KCNRG: variants seen among roughly 807,000 people sequenced by gnomAD.
The protein encoded by KCNRG is potassium channel regulator, also known as potassium channel regulatory protein.
Under a neutral mutation model 17.7 loss-of-function variants are expected in KCNRG, and 17 were observed. The ratio of observed to expected loss-of-function variants is 0.96; its 90% CI spans 0.66 to 1.44. KCNRG has a LOEUF of 1.44. Among genes scored for constraint, KCNRG ranks in the 40% most tolerant of loss-of-function variants. The pLI is 0.00. For missense variants in KCNRG, 311 were observed against 321.1 expected (o/e 0.97, Z 0.24); for synonymous variants, 97 against 116.5 (o/e 0.83, Z 1.08).
intron 1 of KCNRG, among the ~76,000 whole-genome samples, 172 bp from the exon 2 acceptor site, chr13:50,020,042 G>GA (rs59250747): frequency 7.7e-4 from 96 of 125,012 alleles, no homozygotes; most frequent in Middle Eastern, 4.1e-3. Flanking sequence ...CATCTCAAAA[G>GA]AAAAAAAAAA....
chr13:50,019,129 C>G (rs999973566), intron 1 of KCNRG, among the ~76,000 whole-genome samples: 26 of 139,966 alleles, frequency 1.9e-4, no homozygotes, highest in Admixed American at 6.3e-4. Flanking sequence ...AGTTCATGTG[C>G]ATTTTTTTCT....
At chr13:50,017,440 A>T (rs1330496558) in intron 1 of KCNRG, 3 of 167,134 alleles carry the variant, frequency 1.8e-5, no homozygotes, top group Non-Finnish European at 4.4e-5. Context: ...GTGTGTACAC[A>T]GTGCCAAATG....
chr13:50,016,108 G>A (rs1876523534), intron 1 of KCNRG, 37 bp downstream of exon 1: 3 of 1,444,196 alleles, frequency 2.1e-6, no homozygotes, highest in East Asian at 4.6e-5. Flanking sequence ...TTGTATACCA[G>A]TTTGTGATGT....
At chr13:50,019,780 G>A (rs1877034541) in intron 1 of KCNRG, among the ~76,000 whole-genome samples, 2 of 152,250 alleles carry the variant, frequency 1.3e-5, no homozygotes, top group South Asian at 4.1e-4. Context: ...GCTCATGCAT[G>A]TAATCCCAGC....
rs758499261 is a variant in KCNRG at position 50,015,832 on chromosome 13, T to C, written c.339T>C (p.His113=). The C allele has an allele frequency of 1.2e-6, 2 of 1,614,164 alleles. No individual in the cohort carries two copies. Among genetic ancestry groups the C allele is most frequent in the Admixed American group, 1.7e-5 (1 of 60,018 alleles). The part of the protein sequence containing the change: ...LQPRPALVEV[H]FLSRNTQAFF... ...CAAGACCTGCTCTTGTGGAGGTACATTTCCTAAGCCGGAACACTCAAGCTT... is the reference window on the plus strand; with the variant it reads ...CAAGACCTGCTCTTGTGGAGGTACACTTCCTAAGCCGGAACACTCAAGCTT... The change falls in exon 1 of 2, where the codon CAT becomes CAC. Residue 113 remains histidine, a synonymous_variant. Transcript: ENST00000312942.
chr13:50,020,392 A>G lies in KCNRG; in HGVS notation c.757A>G (p.Thr253Ala). 6.2e-7 allele frequency: 1 copy of G among 1,614,044 alleles called. No homozygotes were observed. Among genetic ancestry groups the G allele is most frequent in the Non-Finnish European group, 8.5e-7 (1 of 1,179,874 alleles). ...GATAAAAAGCCCTGAAGTGCTCATC[A>G]CGAATGAAACACCAAAACCAGAGAC... ...ERIKSPEVLITNETPKPETII... is the reference protein window; with the variant it reads ...ERIKSPEVLIANETPKPETII... Residue 253 changes from threonine to alanine, a missense_variant, in exon 2 of 2, where the codon ACG (threonine) becomes GCG (alanine). By Grantham distance (58) the Thr-to-Ala change is moderately conservative. Coordinates refer to ENST00000312942, the MANE Select transcript of KCNRG (RefSeq NM_173605.2).
intron 1 of KCNRG, chr13:50,017,909 A>C (rs1876809065): frequency 1.2e-5 from 2 of 167,118 alleles, no homozygotes; most frequent in Middle Eastern, 3.4e-3. Flanking sequence ...CACTTTATTC[A>C]GTTTGTTCTA....
rs774252239 is a variant in KCNRG at position 50,020,409 on chromosome 13, A to C, written c.774A>C (p.Lys258Asn). The C allele has an allele frequency of 6.2e-7, 1 of 1,614,036 alleles. No homozygotes were observed. The highest frequency in any genetic ancestry group is 1.7e-5 in the Admixed American group (1 of 60,028). Residue 258 changes from lysine (K) to asparagine (N), a missense_variant, in exon 2 of 2, where the codon AAA (lysine) becomes AAC (asparagine). By Grantham distance (94) the Lys-to-Asn change is moderately conservative (BLOSUM62 0). Transcript: ENST00000312942. ...TGCTCATCACGAATGAAACACCAAA[A>C]CCAGAGACTATCATCATACCAGAGC... ...PEVLITNETP[K>N]PETIIIPEQS...
In KCNRG at chr13:50,020,199, T is replaced by C; in HGVS notation, c.579-15T>C. 3.1e-6 allele frequency: 5 copies of C among 1,610,098 alleles called. No individual in the cohort carries two copies. The highest frequency in any genetic ancestry group is 3.4e-6 in the Non-Finnish European group (4 of 1,178,244). ...AGGGATGCTTTATAATTAAGCTTCT[T>C]TTTGTGTGTCCTAGGTATGTTTCTA... On this transcript the variant is annotated splice_polypyrimidine_tract_variant and intron_variant, in intron 1 of 1. Transcript: ENST00000312942.
At chr13:50,016,956 T>A (rs903901078) in intron 1 of KCNRG, 10 of 166,770 alleles carry the variant, frequency 6.0e-5, no homozygotes, top group African/African-American at 2.4e-4. Flanking sequence ...TGTCTCTCTC[T>A]CTTAGCGACA....
Position 50,015,913 on chromosome 13 carries a change from TAC to T in KCNRG, c.422_423del (p.Thr141SerfsTer14), listed in dbSNP as rs1566449438. ...CAATTGAGATGCTAACAGGGAGGATTACAGTGTTTACAGAACAACCTTCAGCG... is the reference window on the plus strand; with the variant it reads ...CAATTGAGATGCTAACAGGGAGGATTAGTGTTTACAGAACAACCTTCAGCG... Reference protein sequence around the residue: ...KTIEMLTGRITVFTEQPSAPT... With the variant: ...KTIEMLTGRIXVFTEQPSAPT... On this transcript the variant is annotated frameshift_variant, in exon 1 of 2. Coordinates refer to ENST00000312942, the MANE Select transcript of KCNRG (RefSeq NM_173605.2). LOFTEE classifies it high-confidence loss of function. 10 of 1,614,144 alleles carry T rather than the reference TAC, an allele frequency of 6.2e-6. No homozygotes were observed. Among genetic ancestry groups the T allele is most frequent in the Non-Finnish European group, 7.6e-6 (9 of 1,179,998 alleles).
chr13:50,015,777 TTGATCTCTTAAACCCATACC>T lies in KCNRG; in HGVS notation c.287_306del (p.Asp96AlafsTer32). 1.2e-6 allele frequency: 2 copies of T among 1,614,162 alleles called. No individual in the cohort carries two copies. Among genetic ancestry groups the T allele is most frequent in the South Asian group, 2.2e-5 (2 of 91,080 alleles). Reference sequence around the variant, plus strand: ...CTTTTCTATGAACTTCGTTCTCTAGTTGATCTCTTAAACCCATACCTGCTACAGCCAAGACCTGCTCTTGT... The same window carrying T: ...CTTTTCTATGAACTTCGTTCTCTAGTTGCTACAGCCAAGACCTGCTCTTGT... On this transcript the variant is annotated frameshift_variant, in exon 1 of 2. Transcript: ENST00000312942. LOFTEE classifies it high-confidence loss of function.
In KCNRG at chr13:50,015,925, A is replaced by T. The variant is rs1440800578; in HGVS notation, c.432A>T (p.Thr144=). 2 of 1,614,024 alleles carry T rather than the reference A, an allele frequency of 1.2e-6. No individual in the cohort carries two copies. Among genetic ancestry groups the T allele is most frequent in the Non-Finnish European group, 1.7e-6 (2 of 1,180,004 alleles). The part of the protein sequence containing the change: ...EMLTGRITVF[T]EQPSAPTWNG... ...TAACAGGGAGGATTACAGTGTTTAC[A>T]GAACAACCTTCAGCGCCGACCTGGA... is the stretch of plus-strand genomic sequence containing the variant. The change falls in exon 1 of 2, where the codon ACA becomes ACT. Residue 144 remains threonine (T), a synonymous_variant. Transcript: ENST00000312942.
At chr13:50,016,747 G>A (rs1317085059) in intron 1 of KCNRG, 4 of 166,694 alleles carry the variant, frequency 2.4e-5, no homozygotes, top group Non-Finnish European at 2.9e-5. Context: ...TTTTCCCCCC[G>A]TAAAATGTCT....
chr13:50,020,599 T>C lies in KCNRG; in HGVS notation c.*145T>C. The stretch of plus-strand genomic sequence containing the variant: ...CGTCTCTGGGCAACCAGGCCCCAAC[T>C]GTGCTTAAGCCATAATGCCTGCTGC... On this transcript the variant is annotated 3_prime_UTR_variant, in exon 2 of 2. Coordinates refer to ENST00000312942, the MANE Select transcript of KCNRG (RefSeq NM_173605.2). 1 of 775,424 alleles carries C rather than the reference T, an allele frequency of 1.3e-6. No homozygotes were observed. Among genetic ancestry groups the C allele is most frequent in the South Asian group, 1.8e-5 (1 of 56,360 alleles). 48.0% of individuals were successfully genotyped at this position (775,424 alleles called of 1,614,324 possible).
Position 50,015,992 on chromosome 13 carries a change from C to T in KCNRG, c.499C>T (p.Pro167Ser). Reference sequence around the variant, plus strand: ...TCCTCAGATGACCTTACTTCCACTGCCTCCACAAAGACCTTCTTACCATGA... The same window carrying T: ...TCCTCAGATGACCTTACTTCCACTGTCTCCACAAAGACCTTCTTACCATGA... ...FPPQMTLLPL[P>S]PQRPSYHDLV... Residue 167 changes from proline to serine, a missense_variant, in exon 1 of 2, where the codon CCT becomes TCT. Transcript: ENST00000312942. 1 of 1,614,092 alleles carries T rather than the reference C, an allele frequency of 6.2e-7. No individual in the cohort carries two copies.
At chr13:50,016,848 A>G (rs941537931) in intron 1 of KCNRG, 3 of 155,364 alleles carry the variant, frequency 1.9e-5, no homozygotes, top group African/African-American at 7.9e-5. Context: ...CTTTATTGGT[A>G]TCATTTAAAA....
intron 1 of KCNRG, chr13:50,017,363 C>A (rs1336822859): frequency 6.0e-6 from 1 of 166,992 alleles, no homozygotes; most frequent in African/African-American, 2.4e-5. Context: ...CTTTAAAAAC[C>A]ATGCATTTGG....
Position 50,020,227 on chromosome 13 carries a change from A to C in KCNRG, c.592A>C (p.Lys198Gln). ...TGTGTGTCCTAGGTATGTTTCTATA[A>C]AACCTGATAACCGAAAATTGGCCAA... ...NQTGVRYVSI[K>Q]PDNRKLANGT... is the part of the protein sequence containing the mutation. The change falls in exon 2 of 2, where the codon AAA becomes CAA. Residue 198 changes from lysine to glutamine, a missense_variant. By Grantham distance (53) the Lys-to-Gln change is moderately conservative (BLOSUM62 1). Coordinates refer to ENST00000312942, the MANE Select transcript of KCNRG (RefSeq NM_173605.2). The C allele has an allele frequency of 6.2e-7, 1 of 1,614,064 alleles. No homozygotes were observed. The highest frequency in any genetic ancestry group is 8.5e-7 in the Non-Finnish European group (1 of 1,179,954).
Sources: gnomAD v4.1 joint callset for allele counts (sites outside exome capture counted in the v4.1 genomes callset) on GRCh38, gnomAD v4.1.1 for gene constraint, MANE v1.5 for transcripts, NCBI Gene and HGNC (gene_info 2026-07-23, HGNC 2026-07-21) for gene names.